Variants in RBM12 observed in about 807,000 individuals in gnomAD.
RBM12 encodes RNA-binding protein 12.
In RBM12, 24 loss-of-function variants were observed where a neutral mutation model predicts 37.2. The observed-to-expected ratio is 0.65, with a 90% CI of 0.47 to 0.91. The LOEUF (loss-of-function observed/expected upper bound fraction) is 0.91, where lower values mean the gene tolerates loss of function less well. Ranked by LOEUF, RBM12 falls within the 40% of genes least tolerant of loss-of-function variation. RBM12 has a pLI of 0.00. For missense variants in RBM12, 1,061 were observed against 1,183.2 expected (o/e 0.90, Z 1.52); for synonymous variants, 420 against 425.2 (o/e 0.99, Z 0.15).
chr20:35,655,963 C>CTTGTT, intron 2 of RBM12, among the ~76,000 whole-genome samples: 1 of 152,214 alleles, frequency 6.6e-6, no homozygotes, highest in Non-Finnish European at 1.5e-5. Context: ...TTCAATCTGC[C>CTTGTT]TTGTACATTA....
rs6121013 is a variant in RBM12, at chr20:35,652,614, G to A, written c.2709C>T (p.Ala903=). The change falls in exon 3 of 3, where the codon GCC becomes GCT. Residue 903 remains alanine (A), a synonymous_variant. Transcript: ENST00000374114. The stretch of plus-strand genomic sequence containing the variant: ...CTGTGGCTTCATCCCGAGACTCAAA[G>A]GCCACCATGGCTTCACCTGTGGGCA... ...KGMPTGEAMV[A]FESRDEATAA... The A allele has an allele frequency of 1.9e-5, 31 of 1,614,046 alleles. No individual in the cohort carries two copies. The highest frequency in any genetic ancestry group is 2.5e-5 in the Non-Finnish European group (29 of 1,179,972).
chr20:35,659,685 T>G (rs1040015606), intron 1 of RBM12, among the ~76,000 whole-genome samples: 1 of 152,104 alleles, frequency 6.6e-6, no homozygotes, highest in Admixed American at 6.5e-5. Flanking sequence ...AAATAAAATT[T>G]AAAAACACCC....
intron 1 of RBM12, among the ~76,000 whole-genome samples, chr20:35,663,573 A>C (rs553579343): frequency 1.4e-4 from 22 of 152,290 alleles, no homozygotes; most frequent in Admixed American, 9.8e-4. Flanking sequence ...ATATTAGGTT[A>C]TCTCTGAGAA....
At chr20:35,662,501 C>A (rs2034285937) in intron 1 of RBM12, among the ~76,000 whole-genome samples, 1 of 152,182 alleles carries the variant, frequency 6.6e-6, no homozygotes, top group Non-Finnish European at 1.5e-5. Flanking sequence ...TACTATTAAG[C>A]ACTTGTGGGC....
chr20:35,654,432 G>A lies in RBM12; in HGVS notation c.891C>T (p.Leu297=). The A allele has an allele frequency of 1.2e-6, 2 of 1,614,202 alleles. No homozygotes were observed. Among genetic ancestry groups the A allele is most frequent in the Non-Finnish European group, 1.7e-6 (2 of 1,180,026 alleles). The change falls in exon 3 of 3, where the codon CTC becomes CTT. Residue 297 remains leucine (L), a synonymous_variant. Transcript: ENST00000374114. ...QMNSQSSVKP[L]PINPDDLYVS... is the part of the protein sequence containing the mutation. ...CATACAGATCATCAGGGTTGATGGG[G>A]AGTGGCTTCACACTGCTCTGAGAGT... is the stretch of plus-strand genomic sequence containing the variant.
intron 1 of RBM12, among the ~76,000 whole-genome samples, chr20:35,663,063 A>C (rs1461378345): frequency 6.6e-6 from 1 of 152,226 alleles, no homozygotes; most frequent in Non-Finnish European, 1.5e-5. Context: ...TGTTTTGTAT[A>C]AACACGCCAA....
intron 1 of RBM12, among the ~76,000 whole-genome samples, chr20:35,661,071 T>C (rs895937631): frequency 1.3e-5 from 2 of 152,226 alleles, no homozygotes; most frequent in African/African-American, 2.4e-5. Context: ...TCAATCCAGA[T>C]AGAAATTTAT....
rs1601490947 is a variant in RBM12 at position 35,658,814 on chromosome 20, C to CAT, written c.-23+115_-23+116insAT. On this transcript the variant is annotated intron_variant, in intron 2 of 2. Coordinates refer to ENST00000374114, the MANE Select transcript of RBM12 (RefSeq NM_006047.6). ...ACAAGCAAACAAAAACACACACACA[C>CAT]ACACACACACACACACACACACACA... 1.0e-5 allele frequency: 5 copies of CAT among 502,082 alleles called. No individual in the cohort carries two copies. The East Asian group carries it at 1.5e-4, about 16-fold the overall frequency. 31.1% of individuals were successfully genotyped at this position (502,082 alleles called of 1,614,324 possible).
Position 35,655,216 on chromosome 20 carries a change from A to T in RBM12, c.107T>A (p.Val36Glu). The change falls in exon 3 of 3, where the codon GTA (valine) becomes GAA (glutamate). Residue 36 changes from valine (V) to glutamate (E), a missense_variant. Transcript: ENST00000374114. ...LTIPDGGVHIVGGELGEAFIV... is the reference protein window; with the variant it reads ...LTIPDGGVHIEGGELGEAFIV... ...GAAAGCCTCACCCAGTTCACCCCCT[A>T]CAATATGCACGCCCCCATCAGGAAT... The T allele has an allele frequency of 6.2e-7, 1 of 1,614,050 alleles. No individual in the cohort carries two copies. Among genetic ancestry groups the T allele is most frequent in the South Asian group, 1.1e-5 (1 of 91,080 alleles).
intron 2 of RBM12, among the ~76,000 whole-genome samples, chr20:35,655,872 T>C (rs2033866608): frequency 6.6e-6 from 1 of 152,226 alleles, no homozygotes; most frequent in Non-Finnish European, 1.5e-5. Context: ...TACTAATGAA[T>C]TGTAAATAAT....
At position 35,653,410 on chromosome 20, in the gene RBM12, C is replaced by G. The variant is rs576704593; in HGVS notation, c.1913G>C (p.Gly638Ala). 1.3e-5 allele frequency: 21 copies of G among 1,613,994 alleles called. No homozygotes were observed. The highest frequency in any genetic ancestry group is 1.7e-5 in the Non-Finnish European group (20 of 1,180,020). ...EKNPPAQGKK[G>A]LKMPVPGNPA... ...ATTACCTGGCACAGGCATCTTTAAT[C>G]CCTTTTTTCCTTGGGCAGGGGGATT... The change falls in exon 3 of 3, where the codon GGA becomes GCA. Residue 638 changes from glycine to alanine, a missense_variant. Gly to Ala is a moderately conservative substitution (Grantham distance 60). Coordinates refer to ENST00000374114, the MANE Select transcript of RBM12 (RefSeq NM_006047.6).
intron 2 of RBM12, among the ~76,000 whole-genome samples, chr20:35,658,014 CCAGCCT>C (rs1188059252): frequency 4.6e-5 from 7 of 151,802 alleles, no homozygotes; most frequent in African/African-American, 1.7e-4. Context: ...CCACTGCACT[CCAGCCT>C]GGGCAACAAG....
At position 35,654,766 on chromosome 20, in the gene RBM12, G is replaced by C. The variant is rs747026251; in HGVS notation, c.557C>G (p.Pro186Arg). The change falls in exon 3 of 3, where the codon CCG becomes CGG. Residue 186 changes from proline to arginine, a missense_variant. Pro to Arg is a moderately radical substitution (Grantham distance 103). This residue lies in a region of RBM12 where 540 missense variants were observed against 632.7 expected (regional missense o/e 0.85). Coordinates refer to ENST00000374114, the MANE Select transcript of RBM12 (RefSeq NM_006047.6). ...PSTASPMNTV[P>R]PPPIPPIPAM... ...TGGAATTGGAGGAATTGGTGGCGGC[G>C]GGACTGTGTTCATTGGAGAGGCTGT... 6.2e-7 allele frequency: 1 copy of C among 1,613,918 alleles called. No homozygotes were observed. The highest frequency in any genetic ancestry group is 1.7e-5 in the Admixed American group (1 of 60,022).
rs1164172932 is a variant in RBM12 at position 35,651,907 on chromosome 20, A to C, written c.*617T>G. 6.6e-6 allele frequency: 1 copy of C among 152,600 alleles called. No homozygotes were observed. Among genetic ancestry groups the C allele is most frequent in the Admixed American group, 6.5e-5 (1 of 15,272 alleles). The allele number at this position is 152,600 out of a possible 1,614,324, so 9.5% of individuals were successfully genotyped here. ...TTATATTTAGGGAAAAAAACCAACAAAACAGTTCTGCTCATTTACAAATGA... is the reference window on the plus strand; with the variant it reads ...TTATATTTAGGGAAAAAAACCAACACAACAGTTCTGCTCATTTACAAATGA... On this transcript the variant is annotated 3_prime_UTR_variant, in exon 3 of 3. Transcript: ENST00000374114.
chr20:35,653,802 C>CT lies in RBM12; in HGVS notation c.1520dup (p.Lys508GlufsTer20). ...TATCTATCTTTTCTAGCATACCTTT[C>CT]TTAGTAATTGGATGAACTTGAATAA... On this transcript the variant is annotated frameshift_variant, in exon 3 of 3. Coordinates refer to ENST00000374114, the MANE Select transcript of RBM12 (RefSeq NM_006047.6). LOFTEE classifies it high-confidence loss of function. 6.2e-7 allele frequency: 1 copy of CT among 1,613,918 alleles called. No individual in the cohort carries two copies. Among genetic ancestry groups the CT allele is most frequent in the Non-Finnish European group, 8.5e-7 (1 of 1,180,040 alleles).
intron 1 of RBM12, among the ~76,000 whole-genome samples, chr20:35,659,486 A>T (rs1001142723): frequency 2.0e-5 from 3 of 152,230 alleles, no homozygotes; most frequent in African/African-American, 7.2e-5. Flanking sequence ...TACTGCAATT[A>T]TTCTTTCAAT....
Position 35,652,684 on chromosome 20 carries a change from T to G in RBM12, c.2639A>C (p.Gln880Pro). Residue 880 changes from glutamine (Q) to proline (P), a missense_variant, in exon 3 of 3, where the codon CAA (glutamine) becomes CCA (proline). Around this residue, in one of 3 missense-constraint regions of RBM12, gnomAD observed 517 missense variants for 534.0 expected, o/e 0.97. Coordinates refer to ENST00000374114, the MANE Select transcript of RBM12 (RefSeq NM_006047.6). ...TAAACACACTGAGCCTGGGATTACT[T>G]GATAGCCATAAAAGAAATCTAAAAT... is the stretch of plus-strand genomic sequence containing the variant. ...DEILDFFYGYQVIPGSVCLKY... is the reference protein window; with the variant it reads ...DEILDFFYGYPVIPGSVCLKY... 6.2e-7 allele frequency: 1 copy of G among 1,614,156 alleles called. No homozygotes were observed. The highest frequency in any genetic ancestry group is 1.1e-5 in the South Asian group (1 of 91,088).
rs2033749020 is a variant in RBM12, at chr20:35,654,297, A to G, written c.1026T>C (p.Asn342=). 1 of 1,614,182 alleles carries G rather than the reference A, an allele frequency of 6.2e-7. No homozygotes were observed. Among genetic ancestry groups the G allele is most frequent in the South Asian group, 1.1e-5 (1 of 91,078 alleles). The stretch of plus-strand genomic sequence containing the variant: ...GAAACTTAACCAATCCATTCCCATT[A>G]TTTCGACCTACATGATCTTTCAACA... ...VHLLKDHVGR[N]NGNGLVKFLS... Residue 342 remains asparagine, a synonymous_variant, in exon 3 of 3, where the codon AAT becomes AAC. Transcript: ENST00000374114.
chr20:35,650,841 A>C lies in RBM12; in HGVS notation c.*1683T>G, dbSNP rs2033457572. The C allele has an allele frequency of 6.6e-6, 1 of 152,610 alleles. No individual in the cohort carries two copies. Among genetic ancestry groups the C allele is most frequent in the Non-Finnish European group, 1.5e-5 (1 of 68,022 alleles). 9.5% of individuals were successfully genotyped at this position (152,610 alleles called of 1,614,324 possible). On this transcript the variant is annotated 3_prime_UTR_variant, in exon 3 of 3. Transcript: ENST00000374114. The stretch of plus-strand genomic sequence containing the variant: ...AACACCAAAAAGGCACTGTATATAT[A>C]TATAGTTTAATAGGAAATACTTATT...
Sources: gnomAD v4.1 joint callset for allele counts (sites outside exome capture counted in the v4.1 genomes callset) on GRCh38, gnomAD v4.1.1 for gene constraint, gnomAD v4.1.1 regional missense constraint, MANE v1.5 for transcripts, NCBI Gene and HGNC (gene_info 2026-07-23, HGNC 2026-07-21) for gene names.